Variants in BMP5 observed in about 807,000 individuals in gnomAD.
BMP5 encodes bone morphogenetic protein 5.
A neutral mutation model predicts 46.6 loss-of-function variants in BMP5; 23 were observed. The observed-to-expected ratio is 0.49, with a 90% CI of 0.35 to 0.70. BMP5 has a LOEUF of 0.70. Among genes scored for constraint, BMP5 ranks in the 30% least tolerant of loss-of-function variants. The probability of loss-of-function intolerance (pLI) is 0.00; values close to 1 mark genes in which losing one functional copy is unlikely to be tolerated. For synonymous variants in BMP5, 204 were observed against 191.9 expected (o/e 1.06, Z -0.52); for missense variants, 545 against 565.6 (o/e 0.96, Z 0.37).
intron 1 of BMP5, among the ~76,000 whole-genome samples, chr6:55,837,145 G>A (rs1229847197): frequency 6.6e-6 from 1 of 151,538 alleles, no homozygotes; most frequent in African/African-American, 2.4e-5. Context: ...TCTGCCTCCT[G>A]GGCTCAAGCC....
intron 3 of BMP5, among the ~76,000 whole-genome samples, chr6:55,775,430 T>C (rs529865751): frequency 2.0e-5 from 3 of 152,010 alleles, no homozygotes; most frequent in South Asian, 4.1e-4. Flanking sequence ...AAGAAAACCA[T>C]TGATATCTGG....
rs1171431965 is a variant in BMP5, at chr6:55,774,187, T to C, written c.889A>G (p.Lys297Glu). Reference protein sequence around the residue: ...GLVGRQGPQSKQPFMVAFFKA... With the variant: ...GLVGRQGPQSEQPFMVAFFKA... Reference sequence around the variant, plus strand: ...AAGAAGGCCACCATGAATGGTTGTTTTGACTGAGGTCCCTGTCTTCCCACA... The same window carrying C: ...AAGAAGGCCACCATGAATGGTTGTTCTGACTGAGGTCCCTGTCTTCCCACA... Residue 297 changes from lysine (K) to glutamate (E), a missense_variant, in exon 4 of 7, where the codon AAA becomes GAA. Lys to Glu is a moderately conservative substitution (Grantham distance 56, BLOSUM62 1). Transcript: ENST00000370830. 6.2e-7 allele frequency: 1 copy of C among 1,613,052 alleles called. No homozygotes were observed. Among genetic ancestry groups the C allele is most frequent in the African/African-American group, 1.3e-5 (1 of 74,840 alleles).
At chr6:55,836,052 G>C (rs896849421) in intron 1 of BMP5, among the ~76,000 whole-genome samples, 2 of 151,960 alleles carry the variant, frequency 1.3e-5, no homozygotes, top group African/African-American at 4.8e-5. Flanking sequence ...TTAAATGTAG[G>C]CTACCTAGCT....
At chr6:55,832,219 C>T (rs1007438013) in intron 1 of BMP5, among the ~76,000 whole-genome samples, 3 of 152,172 alleles carry the variant, frequency 2.0e-5, no homozygotes, top group African/African-American at 2.4e-5. Context: ...TTTGAGAACA[C>T]TCACTTCTCC....
At chr6:55,764,446 G>A (rs1190849098) in intron 4 of BMP5, among the ~76,000 whole-genome samples, 5 of 151,964 alleles carry the variant, frequency 3.3e-5, no homozygotes, top group Non-Finnish European at 7.4e-5. Flanking sequence ...AGTGGCGGAC[G>A]CCTGTAGTCC....
At chr6:55,821,979 G>A (rs1776420125) in intron 1 of BMP5, among the ~76,000 whole-genome samples, 1 of 152,088 alleles carries the variant, frequency 6.6e-6, no homozygotes, top group Admixed American at 6.6e-5. Context: ...TATCTAAATA[G>A]CATTTATATG....
At chr6:55,867,244 G>T (rs1777667435) in intron 1 of BMP5, among the ~76,000 whole-genome samples, 1 of 152,036 alleles carries the variant, frequency 6.6e-6, no homozygotes, top group Admixed American at 6.6e-5. Flanking sequence ...TAGATGCATG[G>T]CATCTTTCTC....
intron 6 of BMP5, among the ~76,000 whole-genome samples, chr6:55,756,835 T>C (rs1774617691): frequency 1.3e-5 from 2 of 152,116 alleles, no homozygotes; most frequent in South Asian, 2.1e-4. Flanking sequence ...ACATGATTGA[T>C]AATCCTGCTG....
chr6:55,805,588 G>A (rs537502745), intron 2 of BMP5, among the ~76,000 whole-genome samples: 2 of 152,218 alleles, frequency 1.3e-5, no homozygotes, highest in African/African-American at 4.8e-5. Context: ...ATCCAGTAAT[G>A]GGATTGCTGG....
At chr6:55,857,644 G>A (rs1194373416) in intron 1 of BMP5, among the ~76,000 whole-genome samples, 1 of 152,130 alleles carries the variant, frequency 6.6e-6, no homozygotes, top group Non-Finnish European at 1.5e-5. Context: ...TATAATTTGT[G>A]GGTAAATGCA....
intron 2 of BMP5, among the ~76,000 whole-genome samples, chr6:55,802,732 T>C (rs1247383835): frequency 2.0e-5 from 3 of 152,024 alleles, no homozygotes; most frequent in African/African-American, 7.2e-5. Context: ...AATATATATG[T>C]ATTTTTGCCA....
At chr6:55,863,893 T>C (rs548056559) in intron 1 of BMP5, among the ~76,000 whole-genome samples, 13 of 152,318 alleles carry the variant, frequency 8.5e-5, no homozygotes, top group Non-Finnish European at 1.8e-4. Context: ...ACCATCTAGC[T>C]GAGGTGTTTA....
At chr6:55,854,660 G>A (rs1777342030) in intron 1 of BMP5, among the ~76,000 whole-genome samples, 1 of 151,938 alleles carries the variant, frequency 6.6e-6, no homozygotes, top group Admixed American at 6.6e-5. Context: ...AATATTTTAG[G>A]TATGCCATAA....
chr6:55,839,429 A>T (rs1299836033), intron 1 of BMP5, among the ~76,000 whole-genome samples: 1 of 151,870 alleles, frequency 6.6e-6, no homozygotes, highest in Non-Finnish European at 1.5e-5. Flanking sequence ...CAATCCTCTC[A>T]CCTCAGCCTC....
chr6:55,807,139 T>C (rs1776010284), intron 2 of BMP5, among the ~76,000 whole-genome samples: 5 of 152,212 alleles, frequency 3.3e-5, no homozygotes, highest in Admixed American at 2.6e-4. Flanking sequence ...GGCATCCTTA[T>C]CTTGTGTCGG....
chr6:55,755,503 T>A lies in BMP5; in HGVS notation c.*30A>T, dbSNP rs1215582192. 6.3e-7 allele frequency: 1 copy of A among 1,586,852 alleles called. No individual in the cohort carries two copies. The highest frequency in any genetic ancestry group is 8.6e-7 in the Non-Finnish European group (1 of 1,158,004). ...TTGCAGCCATAAACCTTAATACAGA[T>A]CTTTTTGTTATTATCAATATTATTT... On this transcript the variant is annotated 3_prime_UTR_variant, in exon 7 of 7. Coordinates refer to ENST00000370830, the MANE Select transcript of BMP5 (RefSeq NM_021073.4).
At chr6:55,839,138 C>T (rs2088965893) in intron 1 of BMP5, among the ~76,000 whole-genome samples, 1 of 151,934 alleles carries the variant, frequency 6.6e-6, no homozygotes, top group South Asian at 2.1e-4. Context: ...CCATAACATA[C>T]CTAGATTGCA....
intron 1 of BMP5, among the ~76,000 whole-genome samples, chr6:55,835,678 A>G (rs2127543563): frequency 6.6e-6 from 1 of 152,272 alleles, no homozygotes; most frequent in Non-Finnish European, 1.5e-5. Flanking sequence ...TGAGGCTTGG[A>G]TTATGTTCAA....
chr6:55,793,935 A>G (rs1775638476), intron 3 of BMP5, among the ~76,000 whole-genome samples: 1 of 152,170 alleles, frequency 6.6e-6, no homozygotes, highest in Non-Finnish European at 1.5e-5. Flanking sequence ...TACAAATCGT[A>G]TAGTTGTGTA....
Sources: allele counts gnomAD v4.1 joint callset (sites outside exome capture counted in the v4.1 genomes callset), GRCh38; gene constraint gnomAD v4.1.1; transcripts MANE v1.5; gene names NCBI Gene and HGNC (gene_info 2026-07-23, HGNC 2026-07-21).